The following ABHD18 variants were observed in gnomAD, a reference collection of about 807,000 sequenced individuals.
ABHD18 encodes the protein cardiolipin-specific deacylase, mitochondrial.
In ABHD18, 55 loss-of-function variants were observed where a neutral mutation model predicts 65.9. The ratio of observed to expected loss-of-function variants is 0.84; its 90% CI spans 0.67 to 1.05. The LOEUF (loss-of-function observed/expected upper bound fraction) is 1.05. ABHD18 is among the 50% of genes least tolerant of loss of function. ABHD18 has a pLI of 0.00. For missense variants in ABHD18, 533 were observed against 558.5 expected (o/e 0.95, Z 0.46); for synonymous variants, 181 against 180.2 (o/e 1.00, Z -0.04).
At chr4:128,018,946 G>A (rs546647775) in intron 8 of ABHD18, among the ~76,000 whole-genome samples, 5 of 150,868 alleles carry the variant, frequency 3.3e-5, no homozygotes, top group East Asian at 2.0e-4. Flanking sequence ...CCCAGGAAGC[G>A]GAGGTTGCAG....
chr4:128,026,318 G>C (rs1048323662), intron 10 of ABHD18, among the ~76,000 whole-genome samples: 2 of 151,908 alleles, frequency 1.3e-5, no homozygotes, highest in East Asian at 3.9e-4. Flanking sequence ...AATTAGCCAG[G>C]CATGGTGGCA....
intron 1 of ABHD18, among the ~76,000 whole-genome samples, chr4:127,967,166 C>T (rs1464413537): frequency 1.3e-5 from 2 of 151,642 alleles, no homozygotes; most frequent in Non-Finnish European, 2.9e-5. Context: ...ACCAGTATAG[C>T]AGTAAGCAGA....
At chr4:127,979,259 A>G (rs991533699) in intron 1 of ABHD18, among the ~76,000 whole-genome samples, 5 of 152,214 alleles carry the variant, frequency 3.3e-5, no homozygotes, top group African/African-American at 1.2e-4. Context: ...TTCCAAGTTT[A>G]AAAAACACCA....
chr4:128,018,368 C>T (rs777788873), intron 8 of ABHD18, among the ~76,000 whole-genome samples: 114 of 152,074 alleles, frequency 7.5e-4, no homozygotes, highest in Non-Finnish European at 1.4e-3. Flanking sequence ...AGTTTGGCCT[C>T]CCAAAGTGCT....
chr4:128,024,795 C>T (rs778221707), intron 10 of ABHD18, among the ~76,000 whole-genome samples: 4 of 152,034 alleles, frequency 2.6e-5, no homozygotes, highest in Admixed American at 6.6e-5. Context: ...TGAGTTCAAG[C>T]GATTCTCCTG....
Position 127,965,467 on chromosome 4 carries a change from T to C in ABHD18, c.-157T>C, listed in dbSNP as rs1744964976. The C allele has an allele frequency of 2.2e-6, 1 of 459,262 alleles. No homozygotes were observed. Among genetic ancestry groups the C allele is most frequent in the African/African-American group, 2.0e-5 (1 of 50,762 alleles). The allele number at this position is 459,262 out of a possible 1,614,324, so 28.4% of individuals were successfully genotyped here. A position where few individuals can be genotyped will look rare whatever the true frequency, so the allele number is the denominator to read the frequency against. On this transcript the variant is annotated 5_prime_UTR_variant, in exon 1 of 13. Coordinates refer to ENST00000645843, the MANE Select transcript of ABHD18 (RefSeq NM_001358451.3). ...TCCCTCCGTTTCTCCTTCCGCTGTA[T>C]CTAGCATTTCGGTTCCTGGAAAGGT...
intron 4 of ABHD18, among the ~76,000 whole-genome samples, chr4:128,007,898 T>C (rs1020520991): frequency 6.6e-5 from 10 of 152,166 alleles, no homozygotes; most frequent in African/African-American, 1.9e-4. Context: ...TAAACTCTTA[T>C]TGATATATCA....
intron 4 of ABHD18, among the ~76,000 whole-genome samples, chr4:127,994,680 C>G (rs763044817): frequency 1.3e-5 from 2 of 152,052 alleles, no homozygotes; most frequent in African/African-American, 2.4e-5. Context: ...AAATATTACC[C>G]AAGATTGAAT....
intron 1 of ABHD18, among the ~76,000 whole-genome samples, chr4:127,968,335 C>CT (rs1560805358): frequency 6.6e-6 from 1 of 152,226 alleles, no homozygotes; most frequent in Non-Finnish European, 1.5e-5. Flanking sequence ...TCTGAGGTAT[C>CT]TAAACCCTTT....
chr4:127,968,734 A>C (rs1746164832), intron 1 of ABHD18, among the ~76,000 whole-genome samples: 1 of 152,158 alleles, frequency 6.6e-6, no homozygotes, highest in African/African-American at 2.4e-5. Context: ...TATATACTTC[A>C]AAAATAGGTT....
chr4:128,008,487 C>T (rs1006208315), intron 4 of ABHD18, among the ~76,000 whole-genome samples: 1 of 151,824 alleles, frequency 6.6e-6, no homozygotes, highest in Admixed American at 6.6e-5. Flanking sequence ...GTTGATTAGG[C>T]TGGTCTCGAA....
At chr4:128,002,721 A>G (rs1176843305) in intron 4 of ABHD18, among the ~76,000 whole-genome samples, 2 of 151,500 alleles carry the variant, frequency 1.3e-5, no homozygotes, top group African/African-American at 4.9e-5. Context: ...TGGGCTCACG[A>G]CAAGCCCTGT....
chr4:128,038,971 T>G lies in ABHD18; in HGVS notation c.*3158T>G, dbSNP rs1239036990. Reference sequence around the variant, plus strand: ...TGAAGAATTCAAAGTGCAAAATAACTTTTCTTAGGATTTTTTAATCTATTC... The same window carrying G: ...TGAAGAATTCAAAGTGCAAAATAACGTTTCTTAGGATTTTTTAATCTATTC... On this transcript the variant is annotated 3_prime_UTR_variant, in exon 13 of 13. Transcript: ENST00000645843. 1.3e-5 allele frequency: 2 copies of G among 151,564 alleles called. No homozygotes were observed. The highest frequency in any genetic ancestry group is 2.9e-5 in the Non-Finnish European group (2 of 67,916). The allele number at this position is 151,564 out of a possible 1,614,324, so 9.4% of individuals were successfully genotyped here.
In ABHD18 at chr4:127,966,702, C is replaced by CAAAAAAAAAAAAAAAAAAAAAAAAAAAA. The variant is rs70966065; in HGVS notation, c.-18+1105_-18+1132dup. ...TGAAACCCCGTCTCTACTAAAAATA[C>CAAAAAAAAAAAAAAAAAAAAAAAAAAAA]AAAAAAAAAAAAAAAAAAAAAAAAA... On this transcript the variant is annotated intron_variant, in intron 1 of 12. Transcript: ENST00000645843. Among the ~76,000 whole-genome samples the CAAAAAAAAAAAAAAAAAAAAAAAAAAAA allele has an allele frequency of 9.3e-5, 2 of 21,518 alleles. 1 individual carries two copies. Among genetic ancestry groups the CAAAAAAAAAAAAAAAAAAAAAAAAAAAA allele is most frequent in the Non-Finnish European group, 1.6e-4 (2 of 12,284 alleles). 14.1% of individuals were successfully genotyped at this position (21,518 alleles called of 152,430 possible). A position where few individuals can be genotyped will look rare whatever the true frequency, so the allele number is the denominator to read the frequency against.
chr4:127,977,942 TA>T (rs1748276262), intron 1 of ABHD18, among the ~76,000 whole-genome samples: 1 of 152,066 alleles, frequency 6.6e-6, no homozygotes, highest in African/African-American at 2.4e-5. Flanking sequence ...AAAACTGGAT[TA>T]ATGAATAAAT....
At chr4:128,016,916 TA>T (rs1755610526) in intron 7 of ABHD18, among the ~76,000 whole-genome samples, 1 of 152,174 alleles carries the variant, frequency 6.6e-6, no homozygotes, top group Non-Finnish European at 1.5e-5. Flanking sequence ...TGTGTAATTC[TA>T]TTTTTTTTTT....
At chr4:127,992,525 C>T (rs1384277825) in intron 4 of ABHD18, among the ~76,000 whole-genome samples, 2 of 151,674 alleles carry the variant, frequency 1.3e-5, no homozygotes, top group Non-Finnish European at 1.5e-5. Flanking sequence ...AAAACATAAA[C>T]ATGTAGCTCG....
At chr4:128,025,810 G>A (rs188743753) in intron 10 of ABHD18, among the ~76,000 whole-genome samples, 2 of 152,278 alleles carry the variant, frequency 1.3e-5, no homozygotes, top group East Asian at 1.9e-4. Context: ...CTGGAAAATG[G>A]CGTAGTTTTA....
chr4:127,974,992 T>G, intron 1 of ABHD18, among the ~76,000 whole-genome samples: 2 of 79,004 alleles, frequency 2.5e-5, no homozygotes, highest in Non-Finnish European at 4.7e-5. Flanking sequence ...GCAAAAACTG[T>G]GTCTCAAAAA....
Sources: gnomAD v4.1 joint callset for allele counts (sites outside exome capture counted in the v4.1 genomes callset) on GRCh38, gnomAD v4.1.1 for gene constraint, MANE v1.5 for transcripts, NCBI Gene and HGNC (gene_info 2026-07-23, HGNC 2026-07-21) for gene names.